Variants in TAOK1 observed in about 807,000 individuals in gnomAD.
TAOK1 encodes the protein TAO kinase 1.
A neutral mutation model predicts 138.3 loss-of-function variants in TAOK1; 21 were observed. That is an observed-to-expected ratio of 0.15 (90% CI 0.11 to 0.22). The LOEUF (loss-of-function observed/expected upper bound fraction) is 0.22, where lower values mean the gene tolerates loss of function less well. TAOK1 is among the 10% of genes least tolerant of loss of function. The pLI is 1.00. For missense variants in TAOK1, 651 were observed against 1,227.7 expected (o/e 0.53, Z 7.02); for synonymous variants, 361 against 398.4 (o/e 0.91, Z 1.12).
chr17:29,447,970 T>A (rs2030135482), intron 1 of TAOK1, among the ~76,000 whole-genome samples: 1 of 150,250 alleles, frequency 6.7e-6, no homozygotes, highest in South Asian at 2.1e-4. Context: ...TTTTTTTTTT[T>A]TTTTTTTTAA....
At chr17:29,512,684 C>CTT (rs34741008) in intron 15 of TAOK1, 5 of 135,974 alleles carry the variant, frequency 3.7e-5, no homozygotes, top group East Asian at 2.2e-4. Flanking sequence ...CAGCTGACAA[C>CTT]TTTTTTTTTT....
intron 1 of TAOK1, among the ~76,000 whole-genome samples, chr17:29,398,031 CTTATT>C (rs1904717748): frequency 6.6e-6 from 1 of 151,938 alleles, no homozygotes; most frequent in Admixed American, 6.6e-5. Flanking sequence ...CCATACTTGG[CTTATT>C]TTAAAGTTTT....
intron 1 of TAOK1, among the ~76,000 whole-genome samples, chr17:29,435,906 G>A (rs1330960797): frequency 2.6e-5 from 4 of 152,172 alleles, no homozygotes; most frequent in Admixed American, 1.3e-4. Flanking sequence ...CAAGGCAGGC[G>A]GATCACGAGG....
chr17:29,415,909 T>C (rs1905254255), intron 1 of TAOK1, among the ~76,000 whole-genome samples: 1 of 152,200 alleles, frequency 6.6e-6, no homozygotes, highest in African/African-American at 2.4e-5. Context: ...GCTTCAAATA[T>C]TCGCATATTG....
intron 16 of TAOK1, among the ~76,000 whole-genome samples, chr17:29,518,867 A>G (rs1052708989): frequency 1.3e-5 from 2 of 152,042 alleles, no homozygotes; most frequent in Admixed American, 1.3e-4. Flanking sequence ...CCCAGGTTCA[A>G]GCAATTCTCC....
intron 1 of TAOK1, among the ~76,000 whole-genome samples, chr17:29,440,768 G>A (rs901522486): frequency 3.3e-5 from 5 of 151,964 alleles, no homozygotes; most frequent in African/African-American, 1.2e-4. Context: ...TAGAGATGAG[G>A]TTTCACCATG....
Position 29,546,095 on chromosome 17 carries a change from A to G in TAOK1, c.*3073A>G, listed in dbSNP as rs1410703683. The G allele has an allele frequency of 1.3e-5, 2 of 152,156 alleles. No homozygotes were observed. Among genetic ancestry groups the G allele is most frequent in the African/African-American group, 4.8e-5 (2 of 41,452 alleles). The allele number at this position is 152,156 out of a possible 1,614,324, so 9.4% of individuals were successfully genotyped here. A position where few individuals can be genotyped will look rare whatever the true frequency, so the allele number is the denominator to read the frequency against. On this transcript the variant is annotated 3_prime_UTR_variant, in exon 20 of 20. Transcript: ENST00000261716. Reference sequence around the variant, plus strand: ...GTCAGCTCTAACCCCAAATTCTAGTATCCAAAAGTATTTTTATTTGTATAA... The same window carrying G: ...GTCAGCTCTAACCCCAAATTCTAGTGTCCAAAAGTATTTTTATTTGTATAA...
intron 2 of TAOK1, among the ~76,000 whole-genome samples, chr17:29,454,585 A>T (rs2030327945): frequency 6.6e-6 from 1 of 152,158 alleles, no homozygotes; most frequent in African/African-American, 2.4e-5. Context: ...TGATCCATGA[A>T]CACAGAATGT....
chr17:29,465,645 G>A (rs1367229202), intron 2 of TAOK1, among the ~76,000 whole-genome samples: 1 of 151,952 alleles, frequency 6.6e-6, no homozygotes, highest in Admixed American at 6.6e-5. Context: ...TTTTGTCTTT[G>A]GGAATTCATT....
chr17:29,399,607 G>A (rs566844122), intron 1 of TAOK1, among the ~76,000 whole-genome samples: 16 of 152,286 alleles, frequency 1.1e-4, no homozygotes, highest in Non-Finnish European at 2.2e-4. Flanking sequence ...GAGCCACTGC[G>A]CCTGGTGATA....
intron 1 of TAOK1, among the ~76,000 whole-genome samples, chr17:29,416,363 T>C (rs1194053188): frequency 6.6e-6 from 1 of 152,088 alleles, no homozygotes; most frequent in Non-Finnish European, 1.5e-5. Context: ...TTTGCTCTTC[T>C]TCATTTCAAC....
chr17:29,488,460 C>CAGGAGAGAA (rs2031220875), intron 8 of TAOK1, among the ~76,000 whole-genome samples: 1 of 149,924 alleles, frequency 6.7e-6, no homozygotes, highest in Non-Finnish European at 1.5e-5. Flanking sequence ...ATCCCAGGTA[C>CAGGAGAGAA]TCGGGAGGCT....
At chr17:29,397,672 T>TATACATGTATACATGTATATTCATGTAGG (rs1904679784) in intron 1 of TAOK1, among the ~76,000 whole-genome samples, 2 of 59,660 alleles carry the variant, frequency 3.4e-5, no homozygotes, top group South Asian at 1.6e-3. Context: ...ATGATACATG[T>TATACATGTATACATGTATATTCATGTAGG]ATACATGTAT....
At chr17:29,428,905 T>A (rs1905735958) in intron 1 of TAOK1, among the ~76,000 whole-genome samples, 1 of 152,008 alleles carries the variant, frequency 6.6e-6, no homozygotes, top group African/African-American at 2.4e-5. Context: ...AGTGCTGGGA[T>A]TACAGGTGTG....
chr17:29,412,167 C>T (rs764392429), intron 1 of TAOK1, among the ~76,000 whole-genome samples: 2 of 152,086 alleles, frequency 1.3e-5, no homozygotes, highest in African/African-American at 4.8e-5. Flanking sequence ...CTCGGCCTCC[C>T]GAGTAGCTGG....
intron 1 of TAOK1, among the ~76,000 whole-genome samples, chr17:29,439,195 C>A (rs1906132986): frequency 8.2e-6 from 1 of 122,308 alleles, no homozygotes; most frequent in Admixed American, 8.7e-5. Context: ...ATGATAATTT[C>A]TTTCTTTTTT....
intron 1 of TAOK1, among the ~76,000 whole-genome samples, chr17:29,398,711 T>C (rs1425166124): frequency 2.0e-5 from 3 of 151,918 alleles, no homozygotes; most frequent in East Asian, 1.9e-4. Context: ...TTTGTTTTTT[T>C]AGTAGAGACA....
At chr17:29,460,777 C>T (rs2030512965) in intron 2 of TAOK1, among the ~76,000 whole-genome samples, 1 of 152,170 alleles carries the variant, frequency 6.6e-6, no homozygotes, top group African/African-American at 2.4e-5. Flanking sequence ...GATTAGGATG[C>T]TTTTATAATA....
chr17:29,462,613 G>GT (rs1184047831), intron 2 of TAOK1, among the ~76,000 whole-genome samples: 1 of 152,120 alleles, frequency 6.6e-6, no homozygotes, highest in Admixed American at 6.6e-5. Flanking sequence ...CCCTTAGCAG[G>GT]TTTGCAAGTT....
Sources: allele counts gnomAD v4.1 joint callset (sites outside exome capture counted in the v4.1 genomes callset), GRCh38; gene constraint gnomAD v4.1.1; transcripts MANE v1.5; gene names NCBI Gene and HGNC (gene_info 2026-07-23, HGNC 2026-07-21).